The following TENM4 variants were observed in gnomAD, a reference collection of about 807,000 sequenced individuals.
TENM4 encodes teneurin transmembrane protein 4.
TENM4 carries 82 observed loss-of-function variants against 243.3 expected under a neutral mutation model. That is an observed-to-expected ratio of 0.34 (90% CI 0.28 to 0.40). The LOEUF (loss-of-function observed/expected upper bound fraction) is 0.40. Among genes scored for constraint, TENM4 ranks in the 10% least tolerant of loss-of-function variants. The probability of loss-of-function intolerance (pLI) is 1.00; values close to 1 mark genes in which losing one functional copy is unlikely to be tolerated. For missense variants in TENM4, 3,138 were observed against 3,673.3 expected (o/e 0.85, Z 3.77); for synonymous variants, 1,412 against 1,456.3 (o/e 0.97, Z 0.69).
chr11:79,290,134 T>C (rs927627777), intron 2 of TENM4, among the ~76,000 whole-genome samples: 1 of 152,156 alleles, frequency 6.6e-6, no homozygotes, highest in African/African-American at 2.4e-5. Context: ...CTCTAATCTA[T>C]AAATGATGGG....
chr11:79,156,044 G>A (rs1235148950), intron 3 of TENM4, among the ~76,000 whole-genome samples: 1 of 152,138 alleles, frequency 6.6e-6, no homozygotes, highest in Non-Finnish European at 1.5e-5. Context: ...TAAGAGAGGT[G>A]AGCTTCAGTT....
At position 79,317,188 on chromosome 11, in the gene TENM4, A is replaced by C. The variant is rs116594374; in HGVS notation, c.-320-19645T>G. On this transcript the variant is annotated intron_variant, in intron 1 of 33. Coordinates refer to ENST00000278550, the MANE Select transcript of TENM4 (RefSeq NM_001098816.3). ...CCATAGAGGGAATGTTATGAGACAA[A>C]AGGTTTGTTAACACTCACACACGGT... Among the ~76,000 whole-genome samples the C allele has an allele frequency of 8.5e-3, 1,302 of 152,334 alleles. 16 individuals are homozygous for C. Among genetic ancestry groups the C allele is most frequent in the African/African-American group, 0.03 (1,251 of 41,558 alleles).
intron 17 of TENM4, among the ~76,000 whole-genome samples, chr11:78,776,056 T>C (rs1028339756): frequency 3.3e-5 from 5 of 152,190 alleles, no homozygotes; most frequent in East Asian, 1.9e-4. Context: ...TGTACTTTTT[T>C]TCTCTCTCCA....
chr11:79,248,253 C>G (rs139903321), intron 2 of TENM4, among the ~76,000 whole-genome samples: 9 of 152,326 alleles, frequency 5.9e-5, no homozygotes, highest in Non-Finnish European at 1.2e-4. Context: ...GGGATACATA[C>G]AGAGTGTTCA....
rs563604709 is a variant in TENM4, at chr11:79,066,987, A to G, written c.224-1980T>C. Among the ~76,000 whole-genome samples the G allele has an allele frequency of 1.9e-3, 288 of 152,310 alleles. 11 individuals carry two copies. The South Asian group carries it at 0.05, about 26-fold the overall frequency. ...TGAAGTACTTCCACACAGCTTGGTA[A>G]ATAACTTGTGCCAAGCCACCTCAGT... is the stretch of plus-strand genomic sequence containing the variant. On this transcript the variant is annotated intron_variant, in intron 5 of 33. Transcript: ENST00000278550.
chr11:79,331,824 C>T lies in TENM4; in HGVS notation c.-320-34281G>A, dbSNP rs141487995. 2.6e-3 allele frequency among the ~76,000 whole-genome samples: 391 copies of T among 152,340 alleles called. 2 individuals are homozygous for T. The highest frequency in any genetic ancestry group is 8.9e-3 in the African/African-American group (372 of 41,584). On this transcript the variant is annotated intron_variant, in intron 1 of 33. Transcript: ENST00000278550. ...ACCAGCCTCTCTATTCAGGTGGAGG[C>T]TCCAGACAGCATCCTTGCTTTGCCA...
chr11:79,253,133 C>G (rs1243949250), intron 2 of TENM4, among the ~76,000 whole-genome samples: 1 of 152,166 alleles, frequency 6.6e-6, no homozygotes, highest in Non-Finnish European at 1.5e-5. Flanking sequence ...TGTGAAGCCC[C>G]AACTTTTAAC....
intron 17 of TENM4, among the ~76,000 whole-genome samples, chr11:78,775,740 C>A (rs539788367): frequency 6.6e-6 from 1 of 152,148 alleles, no homozygotes. Flanking sequence ...CATTAATAAT[C>A]CCTTCGGAAA....
At chr11:79,108,624 A>G (rs1295108864) in intron 4 of TENM4, among the ~76,000 whole-genome samples, 1 of 152,172 alleles carries the variant, frequency 6.6e-6, no homozygotes, top group Admixed American at 6.5e-5. Context: ...AATTAGCATC[A>G]CCGATGAGCA....
intron 6 of TENM4, among the ~76,000 whole-genome samples, chr11:79,063,162 A>G (rs997024432): frequency 6.6e-5 from 10 of 152,080 alleles, no homozygotes; most frequent in Non-Finnish European, 7.4e-5. Context: ...TCTGGACCCT[A>G]AGGGGATACA....
intron 26 of TENM4, among the ~76,000 whole-genome samples, chr11:78,710,953 GAATGTTGTGGCTGC>G (rs1859382957): frequency 6.6e-6 from 1 of 152,182 alleles, no homozygotes; most frequent in Admixed American, 6.5e-5. Context: ...TAAGAGAGTA[GAATGTTGTGGCTGC>G]AAAGGGTCTT....
chr11:79,027,861 G>A (rs139990202), intron 6 of TENM4, among the ~76,000 whole-genome samples: 2 of 152,180 alleles, frequency 1.3e-5, no homozygotes, highest in African/African-American at 4.8e-5. Flanking sequence ...TCTTAACACC[G>A]ACTGAGCCTC....
At chr11:78,913,482 T>G (rs1856237683) in intron 6 of TENM4, among the ~76,000 whole-genome samples, 1 of 152,160 alleles carries the variant, frequency 6.6e-6, no homozygotes, top group East Asian at 1.9e-4. Context: ...TTTTCCTTCC[T>G]TCCATTGCCA....
At chr11:78,876,087 A>G (rs1036521117) in intron 9 of TENM4, among the ~76,000 whole-genome samples, 1 of 152,170 alleles carries the variant, frequency 6.6e-6, no homozygotes. Flanking sequence ...GCTACTACTT[A>G]CCAGCCATTC....
At chr11:78,986,727 T>C (rs894116948) in intron 6 of TENM4, among the ~76,000 whole-genome samples, 7 of 152,262 alleles carry the variant, frequency 4.6e-5, no homozygotes, top group Middle Eastern at 3.4e-3. Context: ...GCATCTGCCA[T>C]GATGCCTGAC....
intron 11 of TENM4, among the ~76,000 whole-genome samples, chr11:78,855,242 TA>T (rs752575505): frequency 3.9e-5 from 6 of 152,208 alleles, no homozygotes; most frequent in Non-Finnish European, 7.3e-5. Context: ...AAATAACTAC[TA>T]GGGCTAGGAA....
intron 6 of TENM4, among the ~76,000 whole-genome samples, chr11:78,925,758 T>G (rs773001542): frequency 2.0e-5 from 3 of 152,132 alleles, no homozygotes; most frequent in Non-Finnish European, 4.4e-5. Context: ...CATTAAGATC[T>G]AGTCCCTTTT....
intron 1 of TENM4, among the ~76,000 whole-genome samples, chr11:79,399,902 T>C (rs1181737029): frequency 6.6e-6 from 1 of 152,130 alleles, no homozygotes; most frequent in Non-Finnish European, 1.5e-5. Context: ...CCAGCAGAGT[T>C]GGCTGGCACA....
chr11:79,272,145 G>A (rs1002253632), intron 2 of TENM4, among the ~76,000 whole-genome samples: 5 of 152,130 alleles, frequency 3.3e-5, no homozygotes, highest in Non-Finnish European at 7.4e-5. Flanking sequence ...CCACCTCCCA[G>A]AGGGACTCAA....
Sources: gnomAD v4.1 joint callset for allele counts (sites outside exome capture counted in the v4.1 genomes callset) on GRCh38, gnomAD v4.1.1 for gene constraint, MANE v1.5 for transcripts, NCBI Gene and HGNC (gene_info 2026-07-23, HGNC 2026-07-21) for gene names.